The following RASAL1 variants were observed in gnomAD, a reference collection of about 807,000 sequenced individuals.
The protein encoded by RASAL1 is RAS protein activator like 1.
Under a neutral mutation model 96.6 loss-of-function variants are expected in RASAL1, and 72 were observed. That is an observed-to-expected ratio of 0.75 (90% CI 0.62 to 0.91). The LOEUF (loss-of-function observed/expected upper bound fraction) is 0.91. RASAL1 is among the 40% of genes least tolerant of loss of function. The pLI, the probability that RASAL1 is intolerant of heterozygous loss-of-function variation, is 0.00. For synonymous variants in RASAL1, 405 were observed against 430.4 expected, an observed-to-expected ratio of 0.94 and a Z score of 0.73; for missense variants, 1,016 against 1,072.5, an observed-to-expected ratio of 0.95 and a Z score of 0.74.
At position 113,115,933 on chromosome 12, in the gene RASAL1, C is replaced by T. The variant is rs764546629; in HGVS notation, c.849+1G>A. ...TAGCATTGCTTGCCTGACGCACCCA[C>T]CTCTGCTGGCCCCTGCACAGACTCC... On this transcript the variant is annotated splice_donor_variant, in intron 9 of 20. Coordinates refer to ENST00000548055, the MANE Select transcript of RASAL1 (RefSeq NM_001301202.2). LOFTEE classifies it high-confidence loss of function. The surrounding 1 kb of genome is among the most constrained non-coding windows in gnomAD (Gnocchi z 4.1). 5.0e-6 allele frequency: 8 copies of T among 1,589,898 alleles called. No homozygotes were observed. In the Admixed American group the frequency reaches 7.0e-5, roughly 14 times the overall value.
rs1473292613 is a variant in RASAL1, at chr12:113,135,335, C to A, written c.65+63G>T. On this transcript the variant is annotated intron_variant, in intron 1 of 20. Transcript: ENST00000548055. This position sits in a 1 kb window ranked among gnomAD's most constrained non-coding sequence, Gnocchi z 5.7. ...AACCCGCCCTGGCACGCGGAAAGGG[C>A]GACGTCGGCCCCACCCCAGGCCTTG... The A allele has an allele frequency of 2.0e-5, 30 of 1,488,128 alleles. No individual in the cohort carries two copies. Among genetic ancestry groups the A allele is most frequent in the Non-Finnish European group, 2.6e-5 (28 of 1,089,088 alleles). 92.2% of individuals were successfully genotyped at this position (1,488,128 alleles called of 1,614,324 possible). A position where few individuals can be genotyped will look rare whatever the true frequency, so the allele number is the denominator to read the frequency against.
chr12:113,100,598 C>G (rs2136080620), intron 20 of RASAL1, 30 bp downstream of exon 20: 1 of 1,590,072 alleles, frequency 6.3e-7, no homozygotes, highest in East Asian at 2.2e-5. Context: ...TGCACCCAGC[C>G]TTTACCTTCT....
chr12:113,131,179 G>T (rs1189581618), intron 1 of RASAL1, among the ~76,000 whole-genome samples: 2 of 151,138 alleles, frequency 1.3e-5, no homozygotes, highest in East Asian at 3.9e-4. Context: ...ATAGAACAGG[G>T]AGGCCTGAGG....
chr12:113,119,236 C>T lies in RASAL1; in HGVS notation c.534G>A (p.Pro178=), dbSNP rs145770939. 1,104 of 1,613,462 alleles carry T rather than the reference C, an allele frequency of 6.8e-4. 5 individuals are homozygous for T. Among genetic ancestry groups the T allele is most frequent in the South Asian group, 2.7e-3 (243 of 91,018 alleles). The change falls in exon 7 of 21, where the codon CCG becomes CCA. Residue 178 remains proline, a synonymous_variant. Coordinates refer to ENST00000548055, the MANE Select transcript of RASAL1 (RefSeq NM_001301202.2). ...ETSTIKKTRF[P]HWDEVLELRE... ...GCAGCTCCAGCACTTCATCCCAGTG[C>T]GGGAAGCGAGTCTTCTTGATGGTCT...
chr12:113,128,884 A>G (rs1247142114), intron 2 of RASAL1, among the ~76,000 whole-genome samples: 1 of 152,094 alleles, frequency 6.6e-6, no homozygotes, highest in African/African-American at 2.4e-5. Context: ...ACACTCAGAG[A>G]TCCAGAGACA....
intron 4 of RASAL1, among the ~76,000 whole-genome samples, chr12:113,123,443 G>A (rs1411386268): frequency 6.6e-6 from 1 of 152,232 alleles, no homozygotes; most frequent in Non-Finnish European, 1.5e-5. Flanking sequence ...GAATTCTCAT[G>A]TTGAGTAACA....
chr12:113,107,398 G>A (rs572341533), intron 14 of RASAL1, 157 bp from the exon 15 acceptor site: 73 of 861,724 alleles, frequency 8.5e-5, no homozygotes, highest in East Asian at 4.4e-4. Flanking sequence ...CGAAGTAAGC[G>A]GATCACTTGA....
At chr12:113,111,082 C>A (rs1950849737) in intron 13 of RASAL1, among the ~76,000 whole-genome samples, 1 of 149,380 alleles carries the variant, frequency 6.7e-6, no homozygotes, top group Admixed American at 6.6e-5. Flanking sequence ...TGTCTCCCTA[C>A]CACCCCACGC....
rs1250561433 is a variant in RASAL1 at position 113,123,941 on chromosome 12, C to T, written c.299-2303G>A. 2.0e-5 allele frequency among the ~76,000 whole-genome samples: 3 copies of T among 152,070 alleles called. No homozygotes were observed. In the East Asian group the frequency reaches 5.8e-4, roughly 29 times the overall value. On this transcript the variant is annotated intron_variant, in intron 4 of 20. Coordinates refer to ENST00000548055, the MANE Select transcript of RASAL1 (RefSeq NM_001301202.2). ...TTCCCGTTCTATAAAGAAGTTTGGC[C>T]TGGCATGGTGGTTCACACCTGTAAT...
chr12:113,101,767 G>A (rs1321197170), intron 19 of RASAL1, 122 bp downstream of exon 19: 1 of 1,330,344 alleles, frequency 7.5e-7, no homozygotes, highest in Non-Finnish European at 9.9e-7. Flanking sequence ...CCTGGGCCAG[G>A]CCCCCGGGGA....
In RASAL1 at chr12:113,128,151, G is replaced by GC. The variant is rs753554184; in HGVS notation, c.149dup (p.Phe52LeufsTer24). The stretch of plus-strand genomic sequence containing the variant: ...CCGTGTACTCCTCCCCCCAGAAGGG[G>GC]CCCAGGCTCCTCCAGACAGTAGCTG... On this transcript the variant is annotated frameshift_variant, in exon 3 of 21. Transcript: ENST00000548055. LOFTEE classifies it high-confidence loss of function. 1.2e-6 allele frequency: 2 copies of GC among 1,613,572 alleles called. No individual in the cohort carries two copies. The highest frequency in any genetic ancestry group is 1.3e-5 in the African/African-American group (1 of 74,868).
At chr12:113,113,893 G>A (rs538856844) in intron 12 of RASAL1, among the ~76,000 whole-genome samples, 1 of 152,238 alleles carries the variant, frequency 6.6e-6, no homozygotes, top group African/African-American at 2.4e-5. Context: ...TTGCAGGCAG[G>A]CCCACTCAGA....
intron 13 of RASAL1, among the ~76,000 whole-genome samples, chr12:113,110,370 G>A (rs1179869218): frequency 3.9e-5 from 6 of 152,336 alleles, no homozygotes; most frequent in African/African-American, 9.6e-5. Flanking sequence ...AGTGGGTTAC[G>A]ACATTGCCAA....
At chr12:113,114,956 C>A in intron 11 of RASAL1, 44 bp from the exon 12 acceptor site, 1 of 1,478,000 alleles carries the variant, frequency 6.8e-7, no homozygotes, top group East Asian at 2.3e-5. Flanking sequence ...GAGGGCGAGG[C>A]CGGGGCATGC....
In RASAL1 at chr12:113,121,606, C is replaced by T. The variant is rs1194316881; in HGVS notation, c.331G>A (p.Asp111Asn). 1.2e-6 allele frequency: 2 copies of T among 1,614,106 alleles called. No homozygotes were observed. The highest frequency in any genetic ancestry group is 1.7e-6 in the Non-Finnish European group (2 of 1,180,046). The stretch of plus-strand genomic sequence containing the variant: ...TCACCCTGCACTTCTGCATCTGGGT[C>T]CACTCGGCTCAAGTTAATCCAGCTG... ...IDSWINLSRV[D>N]PDAEVQGEIC... Residue 111 changes from aspartate to asparagine, a missense_variant, in exon 5 of 21, where the codon GAC becomes AAC. Physicochemically the swap from Asp to Asn is conservative, Grantham distance 23. Transcript: ENST00000548055.
At chr12:113,124,379 C>T (rs1951409577) in intron 4 of RASAL1, among the ~76,000 whole-genome samples, 1 of 152,206 alleles carries the variant, frequency 6.6e-6, no homozygotes, top group African/African-American at 2.4e-5. Context: ...TCTATCTCCA[C>T]TGCAGCCTCC....
At chr12:113,111,795 T>C (rs985027635) in intron 13 of RASAL1, among the ~76,000 whole-genome samples, 6 of 152,148 alleles carry the variant, frequency 3.9e-5, no homozygotes, top group Non-Finnish European at 8.8e-5. Context: ...GGTTTCATCA[T>C]GTTGGCCAGG....
chr12:113,121,726 A>T (rs1951301583), intron 4 of RASAL1, 88 bp from the exon 5 acceptor site: 60 of 1,189,076 alleles, frequency 5.0e-5, no homozygotes, highest in Middle Eastern at 4.2e-4. Context: ...CATTATTTTC[A>T]TTTTTTTTTT....
Position 113,117,105 on chromosome 12 carries a change from G to A in RASAL1, c.699C>T (p.Leu233=). ...QQKPPKGWFR[L]LPFPRAEEDS... is the part of the protein sequence containing the mutation. Reference sequence around the variant, plus strand: ...CCTCCTCGGCTCTGGGAAAGGGCAGGAGGCGGAACCAGCCTTTAGGTGGCT... The same window carrying A: ...CCTCCTCGGCTCTGGGAAAGGGCAGAAGGCGGAACCAGCCTTTAGGTGGCT... The change falls in exon 8 of 21, where the codon CTC becomes CTT. Residue 233 remains leucine, a synonymous_variant. Coordinates refer to ENST00000548055, the MANE Select transcript of RASAL1 (RefSeq NM_001301202.2). 5 of 1,610,722 alleles carry A rather than the reference G, an allele frequency of 3.1e-6. No homozygotes were observed. The highest frequency in any genetic ancestry group is 4.2e-6 in the Non-Finnish European group (5 of 1,177,510).
Sources: allele counts gnomAD v4.1 joint callset (sites outside exome capture counted in the v4.1 genomes callset), GRCh38; gene constraint gnomAD v4.1.1; non-coding constraint Gnocchi (gnomAD v3.1); transcripts MANE v1.5; gene names NCBI Gene and HGNC (gene_info 2026-07-23, HGNC 2026-07-21).